The following EXTL3 variants were observed in gnomAD, a reference collection of about 807,000 sequenced individuals.
EXTL3 encodes exostosin like glycosyltransferase 3, also known as exostosin-like 3.
Under a neutral mutation model 69.3 loss-of-function variants are expected in EXTL3, and 27 were observed. The observed-to-expected ratio is 0.39, with a 90% CI of 0.29 to 0.54. The LOEUF is 0.54. Ranked by LOEUF, EXTL3 falls within the 20% of genes least tolerant of loss-of-function variation. The probability of loss-of-function intolerance (pLI) is 0.69; values close to 1 mark genes in which losing one functional copy is unlikely to be tolerated. For synonymous variants in EXTL3, 511 were observed against 499.4 expected (o/e 1.02, Z -0.31); for missense variants, 1,003 against 1,231.8 (o/e 0.81, Z 2.78).
At chr8:28,651,238 G>A (rs1359738983) in intron 1 of EXTL3, among the ~76,000 whole-genome samples, 1 of 152,150 alleles carries the variant, frequency 6.6e-6, no homozygotes. Flanking sequence ...ATAATCCTGA[G>A]TATTTTCCTA....
intron 1 of EXTL3, among the ~76,000 whole-genome samples, chr8:28,688,228 A>AT (rs553322467): frequency 9.9e-4 from 150 of 151,536 alleles, no homozygotes; most frequent in East Asian, 3.1e-3. Flanking sequence ...CACCTGGCTA[A>AT]TTTTTTTTGT....
chr8:28,617,006 T>C (rs559455463), intron 2 of EXTL3, among the ~76,000 whole-genome samples: 2 of 152,342 alleles, frequency 1.3e-5, no homozygotes, highest in South Asian at 4.1e-4. Flanking sequence ...TGCCTACTAA[T>C]ACCCAACTCC....
intron 1 of EXTL3, among the ~76,000 whole-genome samples, chr8:28,663,193 G>T (rs961433625): frequency 6.6e-6 from 1 of 152,166 alleles, no homozygotes; most frequent in African/African-American, 2.4e-5. Flanking sequence ...GTTATATGTT[G>T]GTTCAGCACT....
intron 1 of EXTL3, among the ~76,000 whole-genome samples, chr8:28,668,324 CTT>C (rs71549687): frequency 0.014 from 1,167 of 82,288 alleles, 3 homozygotes; most frequent in African/African-American, 0.06. Context: ...AGAGTTGTTA[CTT>C]TTTTTTTTTT....
chr8:28,743,328 G>A, intron 6 of EXTL3, 114 bp downstream of exon 6: 1 of 1,182,384 alleles, frequency 8.5e-7, no homozygotes, highest in Non-Finnish European at 1.3e-6. Flanking sequence ...GTACAATAGG[G>A]ATGATACTAC....
chr8:28,643,581 AT>A (rs796643155), intron 1 of EXTL3, among the ~76,000 whole-genome samples: 11 of 146,850 alleles, frequency 7.5e-5, no homozygotes, highest in East Asian at 2.0e-4. Context: ...CACCCGGCTA[AT>A]TTTTTTTTTG....
At chr8:28,622,614 A>G (rs1479770857), upstream of EXTL3, 1 of 96,618 alleles carries the variant, frequency 1.0e-5, no homozygotes, top group Non-Finnish European at 2.2e-5. Flanking sequence ...TGGGCGGGGT[A>G]TTCGGGGGGC....
rs532748819 is a variant in EXTL3 at position 28,650,419 on chromosome 8, G to A, written c.-53+27609G>A. On this transcript the variant is annotated intron_variant, in intron 1 of 6. Coordinates refer to the EXTL3 transcript ENST00000523149. ...TCTGTCCAGGCTGGAGTGCAGTGGC[G>A]CGATATCAGCTCACTGCAACCTCTG... Among the ~76,000 whole-genome samples the A allele has an allele frequency of 9.9e-5, 15 of 151,492 alleles. No individual in the cohort carries two copies. The East Asian group carries it at 2.3e-3, about 24-fold the overall frequency.
intron 6 of EXTL3, among the ~76,000 whole-genome samples, chr8:28,749,733 C>G (rs112019730): frequency 5.2e-4 from 79 of 152,300 alleles, no homozygotes; most frequent in African/African-American, 1.8e-3. Context: ...GTCACCCAGG[C>G]TGGAGTGCAG....
At chr8:28,672,595 T>C (rs1807314601) in intron 1 of EXTL3, among the ~76,000 whole-genome samples, 1 of 152,122 alleles carries the variant, frequency 6.6e-6, no homozygotes, top group South Asian at 2.1e-4. Context: ...TTGTTAGCAC[T>C]AGGAAATCTC....
intron 4 of EXTL3, among the ~76,000 whole-genome samples, chr8:28,735,288 T>C (rs186793916): frequency 6.6e-6 from 1 of 152,246 alleles, no homozygotes. Context: ...GTGAGCATAG[T>C]CGTGGAGTGT....
At chr8:28,742,993 C>A in intron 5 of EXTL3, 93 bp from the exon 6 acceptor site, 1 of 1,433,930 alleles carries the variant, frequency 7.0e-7, no homozygotes, top group Non-Finnish European at 9.8e-7. Context: ...ACTGCCACAC[C>A]CAAACAGCCC....
chr8:28,663,660 C>G (rs1807150709), intron 1 of EXTL3, among the ~76,000 whole-genome samples: 2 of 152,228 alleles, frequency 1.3e-5, no homozygotes, highest in African/African-American at 4.8e-5. Context: ...CCATGTTGGC[C>G]AGGCTGGTCT....
chr8:28,727,634 GC>G (rs769190851), intron 3 of EXTL3, among the ~76,000 whole-genome samples: 83 of 152,278 alleles, frequency 5.5e-4, no homozygotes, highest in Non-Finnish European at 9.8e-4. Context: ...ACAGTGTGGT[GC>G]TATGTTGATT....
chr8:28,652,714 G>A lies in EXTL3; in HGVS notation c.-53+29904G>A, dbSNP rs911028296. On this transcript the variant is annotated intron_variant, in intron 1 of 6. Coordinates refer to the EXTL3 transcript ENST00000523149. ...ATATATATATATAGCCATCTTAGGT[G>A]TGAAATGCTATCTCATTATGGTTTT... is the stretch of plus-strand genomic sequence containing the variant. Among the ~76,000 whole-genome samples, 4 of 152,046 alleles carry A rather than the reference G, an allele frequency of 2.6e-5. No individual in the cohort carries two copies. In the East Asian group the frequency reaches 7.7e-4, roughly 29 times the overall value.
intron 1 of EXTL3, among the ~76,000 whole-genome samples, chr8:28,645,115 G>C (rs1174076304): frequency 6.6e-6 from 1 of 152,198 alleles, no homozygotes; most frequent in Non-Finnish European, 1.5e-5. Flanking sequence ...AGAAGGAACT[G>C]CTCAACCAGT....
At chr8:28,680,066 G>A (rs1378163792) in intron 1 of EXTL3, among the ~76,000 whole-genome samples, 3 of 147,590 alleles carry the variant, frequency 2.0e-5, no homozygotes, top group Non-Finnish European at 3.0e-5. Flanking sequence ...TTTTTTTTCC[G>A]GTGTAAGACA....
At chr8:28,628,323 C>T (rs1806525337) in intron 1 of EXTL3, among the ~76,000 whole-genome samples, 1 of 152,160 alleles carries the variant, frequency 6.6e-6, no homozygotes. Flanking sequence ...GATCGTAACA[C>T]TGCACTCCAG....
chr8:28,624,949 A>C (rs555533876), intron 1 of EXTL3, among the ~76,000 whole-genome samples: 110 of 152,356 alleles, frequency 7.2e-4, no homozygotes, highest in Non-Finnish European at 1.2e-3. Context: ...ATCAACTGTG[A>C]ATACACACAC....
Sources: gnomAD v4.1 joint callset for allele counts (sites outside exome capture counted in the v4.1 genomes callset) on GRCh38, gnomAD v4.1.1 for gene constraint, MANE v1.5 for transcripts, NCBI Gene and HGNC (gene_info 2026-07-23, HGNC 2026-07-21) for gene names.